The following TUBA4B variants were observed in gnomAD, a reference collection of about 807,000 sequenced individuals.
TUBA4B encodes tubulin-like protein alpha-4B.
Under a neutral mutation model 18.4 loss-of-function variants are expected in TUBA4B, and 13 were observed. That is an observed-to-expected ratio of 0.71 (90% CI 0.46 to 1.12). TUBA4B has a LOEUF of 1.12. Ranked by LOEUF, TUBA4B falls within the 50% of genes most tolerant of loss-of-function variation. TUBA4B has a pLI of 0.00. For missense variants in TUBA4B, 244 were observed against 250.0 expected (o/e 0.98, Z 0.16); for synonymous variants, 101 against 99.1 (o/e 1.02, Z -0.11).
intron 3 of TUBA4B, 39 bp from the exon 4 acceptor site, chr2:219,271,127 G>C: frequency 1.4e-6 from 1 of 715,350 alleles, no homozygotes; most frequent in Non-Finnish European, 2.5e-6. Flanking sequence ...CATCAGCTGT[G>C]CTCCATGCCC....
chr2:219,266,572 T>A lies in TUBA4B; in HGVS notation c.58+6T>A, dbSNP rs1183036570. On this transcript the variant is annotated splice_donor_region_variant and intron_variant, in intron 2 of 3. Transcript: ENST00000490341. ...GCCCCTGTCCAGGCAGCATGGTGAG[T>A]AGAAGGGGCCTTGGGGGGACTGAGC... The A allele has an allele frequency of 2.7e-5, 19 of 702,674 alleles. No individual in the cohort carries two copies. Among genetic ancestry groups the A allele is most frequent in the Admixed American group, 1.0e-4 (5 of 49,968 alleles). The allele number at this position is 702,674 out of a possible 1,614,324, so 43.5% of individuals were successfully genotyped here.
At chr2:219,266,478 C>G in intron 1 of TUBA4B, 43 bp from the exon 2 acceptor site, 1 of 696,890 alleles carries the variant, frequency 1.4e-6, no homozygotes, top group Non-Finnish European at 2.6e-6. Flanking sequence ...TGGCTGGCCG[C>G]TGCAGGCCTC....
chr2:219,253,857 A>T lies in TUBA4B; in HGVS notation c.12+438A>T. The T allele has an allele frequency of 6.7e-7, 1 of 1,484,984 alleles. No homozygotes were observed. The highest frequency in any genetic ancestry group is 8.9e-7 in the Non-Finnish European group (1 of 1,120,614). 92.0% of individuals were successfully genotyped at this position (1,484,984 alleles called of 1,614,324 possible). On this transcript the variant is annotated intron_variant, in intron 1 of 3. Coordinates refer to ENST00000490341, the MANE Select transcript of TUBA4B (RefSeq NM_001355221.1). ...CGACCCCGGCCGGGCCGCACTCACC[A>T]TGGTGAGTCCGGGCGGTGCGTCTCA...
chr2:219,254,086 G>T (rs1951695677), intron 1 of TUBA4B: 2 of 438,192 alleles, frequency 4.6e-6, no homozygotes, highest in Non-Finnish European at 8.3e-6. Context: ...CTGCGCGGGG[G>T]TCCCTCACCT....
rs180877954 is a variant in TUBA4B at position 219,269,837 on chromosome 2, C to A, written c.59-365C>A. Among the ~76,000 whole-genome samples the A allele has an allele frequency of 4.9e-3, 743 of 152,168 alleles. 12 individuals carry two copies. Among genetic ancestry groups the A allele is most frequent in the African/African-American group, 0.017 (715 of 41,480 alleles). ...CCAGGCGGTGTTTGTGGATCTGGAG[C>A]CCGCTGTGATGATCAGTCCCAGCCA... On this transcript the variant is annotated intron_variant, in intron 2 of 3. Transcript: ENST00000490341.
chr2:219,271,917 A>T lies in TUBA4B; in HGVS notation c.*218A>T. 4.2e-6 allele frequency: 6 copies of T among 1,441,182 alleles called. No homozygotes were observed. In the South Asian group the frequency reaches 6.9e-5, roughly 16 times the overall value. 89.3% of individuals were successfully genotyped at this position (1,441,182 alleles called of 1,614,324 possible). On this transcript the variant is annotated 3_prime_UTR_variant, in exon 4 of 4. Coordinates refer to ENST00000490341, the MANE Select transcript of TUBA4B (RefSeq NM_001355221.1). ...TGGTAAAGTGCAACGTGCCATGTGC[A>T]TGCTGAGCAACATGACAGCCATCAC...
chr2:219,262,441 C>T (rs560856557), intron 1 of TUBA4B, among the ~76,000 whole-genome samples: 8 of 152,368 alleles, frequency 5.3e-5, no homozygotes, highest in African/African-American at 9.6e-5. Context: ...GTTTTCTTCA[C>T]ATGCTTATTG....
At chr2:219,269,021 A>T (rs138321812) in intron 2 of TUBA4B, among the ~76,000 whole-genome samples, 53 of 152,330 alleles carry the variant, frequency 3.5e-4, no homozygotes, top group Non-Finnish European at 6.3e-4. Flanking sequence ...CCTTGAGCCC[A>T]GGAGTCCAAG....
intron 1 of TUBA4B, among the ~76,000 whole-genome samples, chr2:219,254,871 C>A (rs1229720132): frequency 6.6e-6 from 1 of 152,194 alleles, no homozygotes; most frequent in Non-Finnish European, 1.5e-5. Flanking sequence ...TCGAGATTCT[C>A]ATATCTTGGA....
At chr2:219,266,970 C>G (rs1428939128) in intron 2 of TUBA4B, among the ~76,000 whole-genome samples, 1 of 152,158 alleles carries the variant, frequency 6.6e-6, no homozygotes, top group African/African-American at 2.4e-5. Context: ...TCCCACCTTC[C>G]CACCATGGGG....
chr2:219,270,199 CA>C lies in TUBA4B; in HGVS notation c.59-2del, dbSNP rs1951816863. The C allele has an allele frequency of 8.1e-6, 6 of 743,524 alleles. No individual in the cohort carries two copies. Among genetic ancestry groups the C allele is most frequent in the Admixed American group, 1.8e-5 (1 of 54,168 alleles). The allele number at this position is 743,524 out of a possible 1,614,324, so 46.1% of individuals were successfully genotyped here. A position where few individuals can be genotyped will look rare whatever the true frequency, so the allele number is the denominator to read the frequency against. On this transcript the variant is annotated splice_acceptor_variant, in intron 2 of 3. Coordinates refer to ENST00000490341, the MANE Select transcript of TUBA4B (RefSeq NM_001355221.1). LOFTEE classifies it high-confidence loss of function. The stretch of plus-strand genomic sequence containing the variant: ...CTGCCCACTGCAGATGAACTTTGAA[CA>C]GGCACATACCGCCAGATCTTCCATC...
intron 1 of TUBA4B, among the ~76,000 whole-genome samples, chr2:219,262,869 C>G (rs557001162): frequency 6.6e-6 from 1 of 151,520 alleles, no homozygotes; most frequent in Admixed American, 6.6e-5. Context: ...GATGAAACCC[C>G]GTCTCTACTA....
intron 3 of TUBA4B, among the ~76,000 whole-genome samples, chr2:219,270,676 A>G (rs1951819767): frequency 6.6e-6 from 1 of 152,022 alleles, no homozygotes; most frequent in South Asian, 2.1e-4. Context: ...GTCCCTGTGA[A>G]AGGCAGGGAT....
At chr2:219,259,977 C>G (rs1370312636) in intron 1 of TUBA4B, among the ~76,000 whole-genome samples, 1 of 152,198 alleles carries the variant, frequency 6.6e-6, no homozygotes, top group African/African-American at 2.4e-5. Flanking sequence ...TGGCCTGCCT[C>G]TTGCCAAATC....
chr2:219,253,738 G>C, intron 1 of TUBA4B: 2 of 1,256,796 alleles, frequency 1.6e-6, no homozygotes, highest in African/African-American at 3.0e-5. Flanking sequence ...CAAAACCCTC[G>C]CACCTCCTGG....
chr2:219,253,919 G>A, intron 1 of TUBA4B: 1 of 1,342,254 alleles, frequency 7.5e-7, no homozygotes, highest in Non-Finnish European at 9.7e-7. Flanking sequence ...TGAGAACTGC[G>A]CTAGCTGCAG....
At chr2:219,258,828 T>C (rs1951740776) in intron 1 of TUBA4B, among the ~76,000 whole-genome samples, 1 of 152,152 alleles carries the variant, frequency 6.6e-6, no homozygotes. Flanking sequence ...TCACTCTCTG[T>C]GTCTCCCTGA....
chr2:219,271,440 T>C lies in TUBA4B; in HGVS notation c.467T>C (p.Leu156Pro). The change falls in exon 4 of 4, where the codon CTA (leucine) becomes CCA (proline). Residue 156 changes from leucine (L) to proline (P), a missense_variant. Physicochemically the swap from Leu to Pro is moderately conservative, Grantham distance 98 (BLOSUM62 -3). Transcript: ENST00000490341. ...KAIYDICHCNLDIERPTYTNL... is the reference protein window; with the variant it reads ...KAIYDICHCNPDIERPTYTNL... ...ATCTATGACATCTGCCACTGCAACC[T>C]AGACATCGAGCGCCCAACCTACACC... 6.2e-7 allele frequency: 1 copy of C among 1,614,118 alleles called. No individual in the cohort carries two copies.
intron 2 of TUBA4B, among the ~76,000 whole-genome samples, chr2:219,267,800 T>A (rs1951799653): frequency 6.6e-6 from 1 of 152,146 alleles, no homozygotes; most frequent in African/African-American, 2.4e-5. Flanking sequence ...CCTGACCTTG[T>A]GATCTGCCCA....
Sources: allele counts gnomAD v4.1 joint callset (sites outside exome capture counted in the v4.1 genomes callset), GRCh38; gene constraint gnomAD v4.1.1; transcripts MANE v1.5; gene names NCBI Gene and HGNC (gene_info 2026-07-23, HGNC 2026-07-21).